Variants in PLCXD3 observed in about 807,000 individuals in gnomAD.
PLCXD3 encodes the protein phosphatidylinositol specific phospholipase C X domain containing 3.
In PLCXD3, 19 loss-of-function variants were observed where a neutral mutation model predicts 25.5. That is an observed-to-expected ratio of 0.75 (90% CI 0.52 to 1.09). The LOEUF is 1.09. Among genes scored for constraint, PLCXD3 ranks in the 50% least tolerant of loss-of-function variants. The probability of loss-of-function intolerance (pLI) is 0.00; values close to 1 mark genes in which losing one functional copy is unlikely to be tolerated. For synonymous variants in PLCXD3, 174 were observed against 137.6 expected (o/e 1.26, Z -1.85); for missense variants, 411 against 388.1 (o/e 1.06, Z -0.50).
chr5:41,438,653 C>T (rs1167152090), intron 1 of PLCXD3, among the ~76,000 whole-genome samples: 1 of 152,178 alleles, frequency 6.6e-6, no homozygotes, highest in African/African-American at 2.4e-5. Flanking sequence ...AATCACCCTA[C>T]AATATGTCTG....
chr5:41,465,313 T>A (rs984698285), intron 1 of PLCXD3, among the ~76,000 whole-genome samples: 11 of 148,172 alleles, frequency 7.4e-5, no homozygotes, highest in East Asian at 5.9e-4. Context: ...TCACTCTATG[T>A]CTCTAATCTT....
Position 41,313,553 on chromosome 5 carries a change from A to G in PLCXD3, c.*64T>C. On this transcript the variant is annotated 3_prime_UTR_variant, in exon 3 of 3. Coordinates refer to ENST00000377801, the MANE Select transcript of PLCXD3 (RefSeq NM_001005473.3). ...GGAATAGGAAGATCAGAGTGTTTAC[A>G]GATAGTATGCCCTAATACAATGAGC... 5 of 1,586,926 alleles carry G rather than the reference A, an allele frequency of 3.2e-6. No individual in the cohort carries two copies. The highest frequency in any genetic ancestry group is 4.3e-6 in the Non-Finnish European group (5 of 1,156,656).
At chr5:41,328,855 A>G (rs1435959445) in intron 2 of PLCXD3, among the ~76,000 whole-genome samples, 1 of 152,180 alleles carries the variant, frequency 6.6e-6, no homozygotes, top group Non-Finnish European at 1.5e-5. Context: ...AGGTCATACT[A>G]TTGAGTTCAG....
chr5:41,373,745 G>T (rs1745195607), intron 2 of PLCXD3, among the ~76,000 whole-genome samples: 1 of 152,084 alleles, frequency 6.6e-6, no homozygotes, highest in African/African-American at 2.4e-5. Flanking sequence ...AGGAAGTTGG[G>T]ATGCAGTGCC....
chr5:41,407,164 T>C, intron 1 of PLCXD3, among the ~76,000 whole-genome samples: 1 of 152,186 alleles, frequency 6.6e-6, no homozygotes, highest in African/African-American at 2.4e-5. Flanking sequence ...CAAATCTGGC[T>C]GATGTTATGT....
rs575407145 is a variant in PLCXD3, at chr5:41,368,296, T to C, written c.812+13530A>G. Among the ~76,000 whole-genome samples the C allele has an allele frequency of 2.5e-3, 387 of 152,340 alleles. 1 individual carries two copies. The highest frequency in any genetic ancestry group is 8.8e-3 in the African/African-American group (368 of 41,582). On this transcript the variant is annotated intron_variant, in intron 2 of 2. Transcript: ENST00000377801. The stretch of plus-strand genomic sequence containing the variant: ...ATAATTTGGCTCTATATTTGGTTCA[T>C]TCATAATTTGGCATAGAGCCAAATT...
chr5:41,505,178 T>C (rs192465780), intron 1 of PLCXD3, among the ~76,000 whole-genome samples: 1 of 152,230 alleles, frequency 6.6e-6, no homozygotes, highest in East Asian at 1.9e-4. Flanking sequence ...CGTATGAACA[T>C]TGTGGTATCC....
chr5:41,444,576 G>A (rs1437256822), intron 1 of PLCXD3, among the ~76,000 whole-genome samples: 2 of 152,106 alleles, frequency 1.3e-5, no homozygotes, highest in African/African-American at 4.8e-5. Flanking sequence ...TTCAGGTCCT[G>A]TAATGCCAGT....
At chr5:41,454,372 T>G (rs529819865) in intron 1 of PLCXD3, among the ~76,000 whole-genome samples, 1 of 152,102 alleles carries the variant, frequency 6.6e-6, no homozygotes, top group South Asian at 2.1e-4. Flanking sequence ...TGCTGGCAGA[T>G]TTGGTATTTG....
At chr5:41,350,169 C>T (rs141106662) in intron 2 of PLCXD3, among the ~76,000 whole-genome samples, 18 of 152,214 alleles carry the variant, frequency 1.2e-4, no homozygotes, top group African/African-American at 3.6e-4. Flanking sequence ...TTTAGGCTCT[C>T]CTCCCACTTC....
chr5:41,327,416 T>C (rs576148347), intron 2 of PLCXD3, among the ~76,000 whole-genome samples: 3 of 152,330 alleles, frequency 2.0e-5, no homozygotes, highest in South Asian at 4.1e-4. Flanking sequence ...AAGAATTTGA[T>C]ATTAATTCCA....
intron 1 of PLCXD3, among the ~76,000 whole-genome samples, chr5:41,433,257 C>G (rs1274795727): frequency 6.6e-6 from 1 of 152,186 alleles, no homozygotes; most frequent in Admixed American, 6.5e-5. Context: ...AGCCTACACT[C>G]TAAGTGAAAA....
At chr5:41,460,348 T>C (rs1747847488) in intron 1 of PLCXD3, among the ~76,000 whole-genome samples, 1 of 152,008 alleles carries the variant, frequency 6.6e-6, no homozygotes, top group African/African-American at 2.4e-5. Flanking sequence ...GGTGCTTAGA[T>C]GTACGGTCTA....
At chr5:41,502,922 T>C (rs562933263) in intron 1 of PLCXD3, among the ~76,000 whole-genome samples, 2 of 152,294 alleles carry the variant, frequency 1.3e-5, no homozygotes, top group East Asian at 3.9e-4. Context: ...AAACTTCACA[T>C]TCTGCAGCCT....
Position 41,308,471 on chromosome 5 carries a change from C to G in PLCXD3, c.*5146G>C, listed in dbSNP as rs548122765. On this transcript the variant is annotated 3_prime_UTR_variant, in exon 3 of 3. Coordinates refer to ENST00000377801, the MANE Select transcript of PLCXD3 (RefSeq NM_001005473.3). ...TTAATTAATATTCTGTAATCAGATCCAAGCCCAAAGAAGGTCACAGAATTT... is the reference window on the plus strand; with the variant it reads ...TTAATTAATATTCTGTAATCAGATCGAAGCCCAAAGAAGGTCACAGAATTT... 1 of 152,038 alleles carries G rather than the reference C, an allele frequency of 6.6e-6. No homozygotes were observed. Among genetic ancestry groups the G allele is most frequent in the African/African-American group, 2.4e-5 (1 of 41,410 alleles). 9.4% of individuals were successfully genotyped at this position (152,038 alleles called of 1,614,324 possible).
At chr5:41,505,367 G>C (rs1425176546) in intron 1 of PLCXD3, among the ~76,000 whole-genome samples, 1 of 152,126 alleles carries the variant, frequency 6.6e-6, no homozygotes, top group Non-Finnish European at 1.5e-5. Flanking sequence ...GATGTGACTT[G>C]CAAATACAAA....
At chr5:41,314,074 T>G (rs1743219812) in intron 2 of PLCXD3, among the ~76,000 whole-genome samples, 1 of 152,238 alleles carries the variant, frequency 6.6e-6, no homozygotes, top group Non-Finnish European at 1.5e-5. Flanking sequence ...GTATTCTGAT[T>G]TAACATGGTG....
chr5:41,469,437 T>A (rs1223742121), intron 1 of PLCXD3, among the ~76,000 whole-genome samples: 2 of 151,886 alleles, frequency 1.3e-5, no homozygotes, highest in African/African-American at 4.8e-5. Context: ...AAACATTTAA[T>A]ATTAGTTCTT....
At chr5:41,465,351 G>GTCTTTTTT (rs1747991317) in intron 1 of PLCXD3, among the ~76,000 whole-genome samples, 1 of 7,224 alleles carries the variant, frequency 1.4e-4, no homozygotes, top group Non-Finnish European at 2.5e-4. Flanking sequence ...ACTAGTTCTT[G>GTCTTTTTT]TCTTTTTTTT....
Sources: gnomAD v4.1 joint callset for allele counts (sites outside exome capture counted in the v4.1 genomes callset) on GRCh38, gnomAD v4.1.1 for gene constraint, MANE v1.5 for transcripts, NCBI Gene and HGNC (gene_info 2026-07-23, HGNC 2026-07-21) for gene names.